Variants in EML5 observed in about 807,000 individuals in gnomAD.
EML5 encodes the protein echinoderm microtubule-associated protein-like 5.
Under a neutral mutation model 250.0 loss-of-function variants are expected in EML5, and 120 were observed. That is an observed-to-expected ratio of 0.48 (90% confidence interval 0.41 to 0.56). The LOEUF (loss-of-function observed/expected upper bound fraction) is 0.56. Among genes scored for constraint, EML5 ranks in the 20% least tolerant of loss-of-function variants. The pLI is 0.00. For synonymous variants in EML5, 771 were observed against 806.5 expected (o/e 0.96, Z 0.75); for missense variants, 2,006 against 2,437.6 (o/e 0.82, Z 3.73).
intron 6 of EML5, among the ~76,000 whole-genome samples, chr14:88,738,074 T>C (rs996655638): frequency 2.0e-5 from 3 of 152,202 alleles, no homozygotes; most frequent in African/African-American, 7.2e-5. Flanking sequence ...TACCTCACAA[T>C]GTTCTTGTGA....
At chr14:88,617,432 C>T (rs1172249703) in intron 41 of EML5, 2 of 152,352 alleles carry the variant, frequency 1.3e-5, no homozygotes, top group Middle Eastern at 3.2e-3. Context: ...CAGGCTGAGC[C>T]ACCGCGCCTG....
intron 8 of EML5, among the ~76,000 whole-genome samples, chr14:88,725,360 C>T (rs930796675): frequency 7.9e-5 from 12 of 151,846 alleles, no homozygotes; most frequent in African/African-American, 2.7e-4. Context: ...AAACCGGTCT[C>T]GGAAAGGGGA....
chr14:88,748,798 C>T (rs2094046226), intron 2 of EML5, among the ~76,000 whole-genome samples: 1 of 151,866 alleles, frequency 6.6e-6, no homozygotes, highest in Non-Finnish European at 1.5e-5. Flanking sequence ...TGAAAATTTA[C>T]TCCAAAGGAT....
At chr14:88,669,964 G>T (rs1246041691) in intron 21 of EML5, among the ~76,000 whole-genome samples, 1 of 152,092 alleles carries the variant, frequency 6.6e-6, no homozygotes, top group Non-Finnish European at 1.5e-5. Flanking sequence ...AGGCAAAGAA[G>T]GTCTGGAGTG....
chr14:88,621,923 G>A (rs1238982938), intron 37 of EML5: 3 of 455,382 alleles, frequency 6.6e-6, no homozygotes, highest in Middle Eastern at 3.3e-4. Context: ...ACATAAATAC[G>A]TGATTCTTAA....
intron 27 of EML5, 98 bp from the exon 28 acceptor site, chr14:88,650,024 C>A: frequency 1.3e-6 from 1 of 788,308 alleles, no homozygotes; most frequent in South Asian, 3.6e-5. Flanking sequence ...GGCAACATGT[C>A]AACAGAATTT....
chr14:88,771,869 C>A (rs145726540), intron 1 of EML5, among the ~76,000 whole-genome samples: 2 of 152,174 alleles, frequency 1.3e-5, no homozygotes, highest in Non-Finnish European at 2.9e-5. Flanking sequence ...ATCTCCTGCA[C>A]CCCACCTCTG....
rs1211504555 is a variant in EML5 at position 88,643,005 on chromosome 14, G to A, written c.4125C>T (p.Leu1375=). ...KRPIEDLVLE[L]IFGYRGRDCR... ...AGTCTCTGCCTCGATAACCAAAAAT[G>A]AGCTCCAACACAAGGTCCTATAATG... The change falls in exon 31 of 44, where the codon CTC becomes CTT. Residue 1375 remains leucine, a synonymous_variant. Transcript: ENST00000554922. 17 of 1,592,452 alleles carry A rather than the reference G, an allele frequency of 1.1e-5. No individual in the cohort carries two copies. Among genetic ancestry groups the A allele is most frequent in the Non-Finnish European group, 1.4e-5 (16 of 1,174,236 alleles).
chr14:88,724,357 A>C (rs983340002), intron 8 of EML5, among the ~76,000 whole-genome samples: 1 of 151,042 alleles, frequency 6.6e-6, no homozygotes, highest in Admixed American at 6.6e-5. Flanking sequence ...AAGAAGAAAT[A>C]GTAACCAGAT....
At chr14:88,760,193 T>C (rs975680129) in intron 1 of EML5, among the ~76,000 whole-genome samples, 1 of 152,194 alleles carries the variant, frequency 6.6e-6, no homozygotes, top group Non-Finnish European at 1.5e-5. Context: ...ATCTAGTTCA[T>C]TGACTTTTGT....
chr14:88,643,267 G>A (rs1478642126), intron 30 of EML5, among the ~76,000 whole-genome samples: 1 of 152,032 alleles, frequency 6.6e-6, no homozygotes, highest in Admixed American at 6.6e-5. Context: ...GAATCACAAG[G>A]TAGTCTGATT....
intron 27 of EML5, among the ~76,000 whole-genome samples, chr14:88,656,881 C>T (rs1008802315): frequency 2.6e-5 from 4 of 152,204 alleles, no homozygotes; most frequent in Admixed American, 2.6e-4. Context: ...CCTCATCACA[C>T]ACATTTATAA....
At chr14:88,783,696 G>C (rs1017018132) in intron 1 of EML5, among the ~76,000 whole-genome samples, 2 of 152,116 alleles carry the variant, frequency 1.3e-5, no homozygotes, top group Non-Finnish European at 2.9e-5. Flanking sequence ...GAGAGAGACA[G>C]GCCCCAATAT....
intron 1 of EML5, among the ~76,000 whole-genome samples, chr14:88,771,754 G>A (rs542257138): frequency 5.9e-5 from 9 of 152,232 alleles, no homozygotes; most frequent in African/African-American, 2.2e-4. Flanking sequence ...TTTCAGTAGT[G>A]TTTGACATAA....
At chr14:88,790,546 T>C (rs1286615839) in intron 1 of EML5, among the ~76,000 whole-genome samples, 1 of 152,190 alleles carries the variant, frequency 6.6e-6, no homozygotes, top group East Asian at 1.9e-4. Flanking sequence ...TCAGAAGACC[T>C]TAGTGCTATA....
chr14:88,778,490 G>T (rs2094467510), intron 1 of EML5, among the ~76,000 whole-genome samples: 1 of 152,168 alleles, frequency 6.6e-6, no homozygotes, highest in African/African-American at 2.4e-5. Flanking sequence ...AGGTTAAGAA[G>T]TGGTAAGTGG....
At chr14:88,644,055 C>T (rs1452566707) in intron 30 of EML5, among the ~76,000 whole-genome samples, 1 of 152,114 alleles carries the variant, frequency 6.6e-6, no homozygotes, top group East Asian at 1.9e-4. Context: ...GAATATATCG[C>T]ACAGGGTCAA....
At chr14:88,630,344 T>G (rs1170287810) in intron 33 of EML5, among the ~76,000 whole-genome samples, 1 of 152,074 alleles carries the variant, frequency 6.6e-6, no homozygotes, top group Non-Finnish European at 1.5e-5. Context: ...AAAAACTTTA[T>G]TTTAAAAGAA....
intron 8 of EML5, among the ~76,000 whole-genome samples, chr14:88,726,213 G>C (rs1266075551): frequency 6.6e-6 from 1 of 152,098 alleles, no homozygotes; most frequent in African/African-American, 2.4e-5. Context: ...AACGGAGAGG[G>C]ATCATTACTG....
Sources: gnomAD v4.1 joint callset for allele counts (sites outside exome capture counted in the v4.1 genomes callset) on GRCh38, gnomAD v4.1.1 for gene constraint, MANE v1.5 for transcripts, NCBI Gene and HGNC (gene_info 2026-07-23, HGNC 2026-07-21) for gene names.